The following GRIN2C variants were observed in gnomAD, a reference collection of about 807,000 sequenced individuals.
GRIN2C encodes the protein glutamate ionotropic receptor NMDA type subunit 2C.
In GRIN2C, 64 loss-of-function variants were observed where a neutral mutation model predicts 77.7. That is an observed-to-expected ratio of 0.82 (90% CI 0.67 to 1.01). The LOEUF (loss-of-function observed/expected upper bound fraction) is 1.01. Among genes scored for constraint, GRIN2C ranks in the 50% least tolerant of loss-of-function variants. GRIN2C has a pLI of 0.00. For missense variants in GRIN2C, 1,549 were observed against 1,486.0 expected (o/e 1.04, Z -0.70); for synonymous variants, 792 against 643.4 (o/e 1.23, Z -3.49).
chr17:74,847,900 C>T lies in GRIN2C; in HGVS notation c.1723G>A (p.Glu575Lys), dbSNP rs779982912. The change falls in exon 8 of 13, where the codon GAG becomes AAG. Residue 575 changes from glutamate to lysine, a missense_variant. Coordinates refer to ENST00000293190, the MANE Select transcript of GRIN2C (RefSeq NM_000835.6). This position sits in a 1 kb window ranked among gnomAD's most constrained non-coding sequence, Gnocchi z 5.2. Reference protein sequence around the residue: ...TVVAITVFMFEYFSPVSYNQN... With the variant: ...TVVAITVFMFKYFSPVSYNQN... ...TTGTAGCTGACAGGGCTGAAGTACT[C>T]GAACATGAAGACGGTGATGGCCACC... The T allele has an allele frequency of 4.3e-6, 7 of 1,614,046 alleles. No individual in the cohort carries two copies. Among genetic ancestry groups the T allele is most frequent in the Non-Finnish European group, 2.5e-6 (3 of 1,179,978 alleles).
At chr17:74,845,002 G>A (rs1041271315) in intron 11 of GRIN2C, among the ~76,000 whole-genome samples, 28 of 152,028 alleles carry the variant, frequency 1.8e-4, no homozygotes, top group African/African-American at 6.3e-4. Context: ...TGTGATCATG[G>A]CTCACTGCAG....
chr17:74,844,149 C>A, intron 12 of GRIN2C, 127 bp downstream of exon 12: 1 of 1,468,810 alleles, frequency 6.8e-7, no homozygotes, highest in South Asian at 1.4e-5. Flanking sequence ...GTTGAGATTA[C>A]AGGTGTGAGC....
Position 74,851,614 on chromosome 17 carries a change from A to C in GRIN2C, c.1076T>G (p.Val359Gly), listed in dbSNP as rs1367354194. 6.4e-7 allele frequency: 1 copy of C among 1,567,092 alleles called. No individual in the cohort carries two copies. The highest frequency in any genetic ancestry group is 1.9e-5 in the Admixed American group (1 of 53,540). ...PGGYLVQPTM[V>G]VIALNRHRLW... ...GCGGTGCCGGTTGAGGGCGATCACC[A>C]CCATGGTGGGCTGGACCAGGTACCC... Residue 359 changes from valine to glycine, a missense_variant, in exon 4 of 13, where the codon GTG becomes GGG. By Grantham distance (109) the Val-to-Gly change is moderately radical (BLOSUM62 -3). Transcript: ENST00000293190.
Position 74,852,098 on chromosome 17 carries a change from G to A in GRIN2C, c.913C>T (p.Arg305Cys). The A allele has an allele frequency of 6.8e-7, 1 of 1,465,478 alleles. No individual in the cohort carries two copies. The highest frequency in any genetic ancestry group is 9.0e-7 in the Non-Finnish European group (1 of 1,107,096). The allele number at this position is 1,465,478 out of a possible 1,614,324, so 90.8% of individuals were successfully genotyped here. Residue 305 changes from arginine (R) to cysteine (C), a missense_variant, in exon 3 of 13, where the codon CGC becomes TGC. Physicochemically the swap from Arg to Cys is radical, Grantham distance 180. Around this residue, in one of 3 missense-constraint regions of GRIN2C, gnomAD observed 717 missense variants for 858.1 expected, o/e 0.84. Coordinates refer to ENST00000293190, the MANE Select transcript of GRIN2C (RefSeq NM_000835.6). Reference sequence around the variant, plus strand: ...GGGGCTGGCAGGGTTCCATGCTGGCGCCAGTAGCTGTGGGCGCCCAGGGCC... The same window carrying A: ...GGGGCTGGCAGGGTTCCATGCTGGCACCAGTAGCTGTGGGCGCCCAGGGCC... ...ILALGAHSYW[R>C]QHGTLPAPAG...
chr17:74,843,758 C>T (rs1421862222), intron 12 of GRIN2C, among the ~76,000 whole-genome samples: 1 of 152,216 alleles, frequency 6.6e-6, no homozygotes, highest in Non-Finnish European at 1.5e-5. Flanking sequence ...TTCTCCTAAT[C>T]ACTCTAGCTA....
At chr17:74,845,991 T>G (rs1398903264) in intron 11 of GRIN2C, 75 bp downstream of exon 11, 13 of 1,372,918 alleles carry the variant, frequency 9.5e-6, no homozygotes, top group South Asian at 2.4e-5. Context: ...CTTGGGAACT[T>G]GAGTGGTGGT....
chr17:74,860,847 G>A (rs1042101581), upstream of GRIN2C: 10 of 287,946 alleles, frequency 3.5e-5, no homozygotes, highest in Non-Finnish European at 6.1e-5. Context: ...GACTCGCGGC[G>A]GGGGAAGGGG....
Position 74,847,404 on chromosome 17 carries a change from A to C in GRIN2C, c.1905T>G (p.Phe635Leu). 1.2e-6 allele frequency: 2 copies of C among 1,614,086 alleles called. No homozygotes were observed. Among genetic ancestry groups the C allele is most frequent in the Non-Finnish European group, 1.7e-6 (2 of 1,180,002 alleles). The change falls in exon 9 of 13, where the codon TTT (phenylalanine) becomes TTG (leucine). Residue 635 changes from phenylalanine to leucine, a missense_variant. Physicochemically the swap from Phe to Leu is conservative, Grantham distance 22 (BLOSUM62 0). Around this residue, in one of 3 missense-constraint regions of GRIN2C, gnomAD observed 717 missense variants for 858.1 expected, o/e 0.84. Coordinates refer to ENST00000293190, the MANE Select transcript of GRIN2C (RefSeq NM_000835.6). This position sits in a 1 kb window ranked among gnomAD's most constrained non-coding sequence, Gnocchi z 5.2. Reference protein sequence around the residue: ...SKIMVLVWAFFAVIFLASYTA... With the variant: ...SKIMVLVWAFLAVIFLASYTA... ...TGTAGCTGGCGAGGAAGATGACAGC[A>C]AAGAAGGCCCAGACCAGAACCATGA...
rs1053312569 is a variant in GRIN2C at position 74,851,955 on chromosome 17, C to G, written c.998+58G>C. 55 of 1,340,014 alleles carry G rather than the reference C, an allele frequency of 4.1e-5. 1 individual carries two copies. Among genetic ancestry groups the G allele is most frequent in the Non-Finnish European group, 5.4e-5 (54 of 998,382 alleles). 83.0% of individuals were successfully genotyped at this position (1,340,014 alleles called of 1,614,324 possible). ...CTGGCCAGCCCAAACTCACTGCCAG[C>G]CAGCTCCCCCGAAGCGCTCCCCACC... is the stretch of plus-strand genomic sequence containing the variant. On this transcript the variant is annotated intron_variant, in intron 3 of 12. Transcript: ENST00000293190.
Position 74,849,791 on chromosome 17 carries a change from G to T in GRIN2C, c.1634C>A (p.Ser545Ter). Reference sequence around the variant, plus strand: ...ACCCTGGGCCTCACCCAAGAAGGCCGAGGGGGAGACGGTGCCATTGCTGCG... The same window carrying T: ...ACCCTGGGCCTCACCCAAGAAGGCCTAGGGGGAGACGGTGCCATTGCTGCG... ...VARSNGTVSP[S>*]AFLEPYSPAV... Residue 545 changes from serine to a stop codon, truncating the protein, a stop_gained, in exon 7 of 13, where the codon TCG (serine) becomes TAG (stop). Coordinates refer to ENST00000293190, the MANE Select transcript of GRIN2C (RefSeq NM_000835.6). LOFTEE classifies it high-confidence loss of function. The surrounding 1 kb of genome is among the most constrained non-coding windows in gnomAD (Gnocchi z 4.6). The T allele has an allele frequency of 6.2e-7, 1 of 1,612,274 alleles. No individual in the cohort carries two copies. Among genetic ancestry groups the T allele is most frequent in the South Asian group, 1.1e-5 (1 of 90,988 alleles).
chr17:74,858,298 G>C (rs908683352), intron 1 of GRIN2C, among the ~76,000 whole-genome samples: 1 of 148,558 alleles, frequency 6.7e-6, no homozygotes, highest in Non-Finnish European at 1.5e-5. Flanking sequence ...CTCATGGGCT[G>C]GGGACACCAG....
chr17:74,850,420 C>G lies in GRIN2C; in HGVS notation c.1326-49G>C. The stretch of plus-strand genomic sequence containing the variant: ...CACCGGGAGTCAGAGTATGTCGTGG[C>G]CCAGCCCCGCCCCAGCCACTCCTCC... On this transcript the variant is annotated intron_variant, in intron 5 of 12. Transcript: ENST00000293190. This position sits in a 1 kb window ranked among gnomAD's most constrained non-coding sequence, Gnocchi z 5.3. 1 of 1,592,332 alleles carries G rather than the reference C, an allele frequency of 6.3e-7. No homozygotes were observed. The highest frequency in any genetic ancestry group is 8.5e-7 in the Non-Finnish European group (1 of 1,170,690).
At chr17:74,851,773 G>A (rs1333712095) in intron 3 of GRIN2C, 82 bp from the exon 4 acceptor site, 3 of 868,424 alleles carry the variant, frequency 3.5e-6, no homozygotes, top group African/African-American at 3.3e-5. Context: ...ACCGACAGCA[G>A]GTGGCATTGA....
chr17:74,842,150 C>T lies in GRIN2C; in HGVS notation c.*285G>A. Reference sequence around the variant, plus strand: ...CCTCCATGCCCACAGCAGCCATGACCAGTAACTGGCTAGCCCCAGGGAAGG... The same window carrying T: ...CCTCCATGCCCACAGCAGCCATGACTAGTAACTGGCTAGCCCCAGGGAAGG... On this transcript the variant is annotated 3_prime_UTR_variant, in exon 13 of 13. Coordinates refer to ENST00000293190, the MANE Select transcript of GRIN2C (RefSeq NM_000835.6). 2.4e-6 allele frequency: 1 copy of T among 409,208 alleles called. No individual in the cohort carries two copies. The highest frequency in any genetic ancestry group is 4.4e-6 in the Non-Finnish European group (1 of 229,194). 25.3% of individuals were successfully genotyped at this position (409,208 alleles called of 1,614,324 possible). A position where few individuals can be genotyped will look rare whatever the true frequency, so the allele number is the denominator to read the frequency against.
At position 74,847,345 on chromosome 17, in the gene GRIN2C, T is replaced by A; in HGVS notation, c.1964A>T (p.Gln655Leu). The change falls in exon 9 of 13, where the codon CAA becomes CTA. Residue 655 changes from glutamine to leucine, a missense_variant. By Grantham distance (113) the Gln-to-Leu change is moderately radical. Transcript: ENST00000293190. This position sits in a 1 kb window ranked among gnomAD's most constrained non-coding sequence, Gnocchi z 5.2. Reference sequence around the variant, plus strand: ...GAGGCCCGACACAGTGTCGATGTATTGCTCTTGGATCATGAAGGCGGCCAG... The same window carrying A: ...GAGGCCCGACACAGTGTCGATGTATAGCTCTTGGATCATGAAGGCGGCCAG... ...ANLAAFMIQE[Q>L]YIDTVSGLSD... 6.2e-7 allele frequency: 1 copy of A among 1,613,096 alleles called. No individual in the cohort carries two copies. Among genetic ancestry groups the A allele is most frequent in the Non-Finnish European group, 8.5e-7 (1 of 1,179,636 alleles).
At position 74,849,980 on chromosome 17, in the gene GRIN2C, G is replaced by T. The variant is rs568633558; in HGVS notation, c.1492-47C>A. 33 of 1,582,752 alleles carry T rather than the reference G, an allele frequency of 2.1e-5. No individual in the cohort carries two copies. The East Asian group carries it at 6.9e-4, about 33-fold the overall frequency. On this transcript the variant is annotated intron_variant, in intron 6 of 12. Transcript: ENST00000293190. This position sits in a 1 kb window ranked among gnomAD's most constrained non-coding sequence, Gnocchi z 4.6. Reference sequence around the variant, plus strand: ...GGTTTGAAAAAGGGGCTCCCGTGGGGTGGACACGCTGCACAGGCACCTCCA... The same window carrying T: ...GGTTTGAAAAAGGGGCTCCCGTGGGTTGGACACGCTGCACAGGCACCTCCA...
Position 74,846,753 on chromosome 17 carries a change from GACCC to G in GRIN2C, c.2162+3_2162+6del, listed in dbSNP as rs1567890440. 6.2e-7 allele frequency: 1 copy of G among 1,612,622 alleles called. No individual in the cohort carries two copies. Among genetic ancestry groups the G allele is most frequent in the Admixed American group, 1.7e-5 (1 of 59,950 alleles). On this transcript the variant is annotated splice_donor_5th_base_variant and intron_variant, in intron 10 of 12. Transcript: ENST00000293190. The surrounding 1 kb of genome is among the most constrained non-coding windows in gnomAD (Gnocchi z 4.4). ...TGAAGACAGCGGGTGCAGGGCTGGG[GACCC>G]ACCCCATCTTGAGGCTGGTGAGCGC...
intron 1 of GRIN2C, among the ~76,000 whole-genome samples, chr17:74,857,272 G>T (rs190926295): frequency 1.3e-5 from 2 of 152,286 alleles, no homozygotes; most frequent in East Asian, 3.9e-4. Context: ...TAGCTGAAAG[G>T]GTTCTCATTC....
Position 74,843,461 on chromosome 17 carries a change from G to C in GRIN2C, c.2676C>G (p.Ser892Arg). The change falls in exon 13 of 13, where the codon AGC becomes AGG. Residue 892 changes from serine to arginine, a missense_variant. By Grantham distance (110) the Ser-to-Arg change is moderately radical. Coordinates refer to ENST00000293190, the MANE Select transcript of GRIN2C (RefSeq NM_000835.6). ...GGGCTGCCTGCAGCATCTTGAGCAC[G>C]CTGGCCTGGGCCGAGCTGGCCGTGA... ...PDLTASSAQASVLKMLQAARD... is the reference protein window; with the variant it reads ...PDLTASSAQARVLKMLQAARD... 6.5e-7 allele frequency: 1 copy of C among 1,534,872 alleles called. No individual in the cohort carries two copies. Among genetic ancestry groups the C allele is most frequent in the Non-Finnish European group, 8.7e-7 (1 of 1,146,324 alleles).
Sources: allele counts gnomAD v4.1 joint callset (sites outside exome capture counted in the v4.1 genomes callset), GRCh38; gene constraint gnomAD v4.1.1; regional missense constraint gnomAD v4.1.1; non-coding constraint Gnocchi (gnomAD v3.1); transcripts MANE v1.5; gene names NCBI Gene and HGNC (gene_info 2026-07-23, HGNC 2026-07-21).